Variants in COL18A1 observed in about 807,000 individuals in gnomAD.
COL18A1 encodes the protein collagen type XVIII alpha 1 chain.
In COL18A1, 133 loss-of-function variants were observed where a neutral mutation model predicts 168.0. That is an observed-to-expected ratio of 0.79 (90% confidence interval 0.69 to 0.91). The LOEUF is 0.91. COL18A1 is among the 40% of genes least tolerant of loss of function. COL18A1 has a pLI of 0.00. For synonymous variants in COL18A1, 949 were observed against 809.0 expected (o/e 1.17, Z -2.94); for missense variants, 2,126 against 1,925.4 (o/e 1.10, Z -1.95).
In COL18A1 at chr21:45,479,965, G is replaced by A; in HGVS notation, c.1311+1G>A. The A allele has an allele frequency of 6.2e-7, 1 of 1,613,882 alleles. No individual in the cohort carries two copies. Among genetic ancestry groups the A allele is most frequent in the Non-Finnish European group, 8.5e-7 (1 of 1,179,946 alleles). On this transcript the variant is annotated splice_donor_variant, in intron 10 of 41. Transcript: ENST00000651438. LOFTEE classifies it high-confidence loss of function. ...GGACGTAGGTCCCAAGGGCGACAAG[G>A]TGAGTCTCCGTGGCTGGGTGGGGCC... is the stretch of plus-strand genomic sequence containing the variant.
intron 2 of COL18A1, chr21:45,456,583 C>T: frequency 6.5e-7 from 1 of 1,543,274 alleles, no homozygotes; most frequent in Non-Finnish European, 8.7e-7. Context: ...GCATCTCACG[C>T]TTCTGGCTGC....
chr21:45,451,762 G>T (rs977097420), intron 2 of COL18A1, among the ~76,000 whole-genome samples: 4 of 152,180 alleles, frequency 2.6e-5, no homozygotes, highest in Non-Finnish European at 5.9e-5. Flanking sequence ...TCAGACTGGG[G>T]CACTCTCCTG....
chr21:45,485,423 G>C (rs968731097), intron 15 of COL18A1, among the ~76,000 whole-genome samples: 2 of 151,924 alleles, frequency 1.3e-5, no homozygotes, highest in African/African-American at 2.4e-5. Context: ...TTGAGTCCAG[G>C]AGTTCAAGGC....
chr21:45,481,866 T>C (rs2035907937), intron 13 of COL18A1, 97 bp from the exon 14 acceptor site: 1 of 876,138 alleles, frequency 1.1e-6, no homozygotes, highest in African/African-American at 1.6e-5. Flanking sequence ...GTGTCCTGCC[T>C]TCTGGAAACC....
At chr21:45,456,430 C>T in intron 2 of COL18A1, 1 of 1,544,470 alleles carries the variant, frequency 6.5e-7, no homozygotes, top group South Asian at 1.2e-5. Context: ...TAACCAGGGA[C>T]AGCGGTGCTT....
chr21:45,479,472 CACAT>C (rs550177743), intron 9 of COL18A1, among the ~76,000 whole-genome samples: 43 of 152,256 alleles, frequency 2.8e-4, no homozygotes, highest in East Asian at 1.5e-3. Context: ...CGTGGATACA[CACAT>C]ACACATACCA....
rs375109205 is a variant in COL18A1 at position 45,512,350 on chromosome 21, C to A, written c.3972C>A (p.Ala1324=). ...LGQSAASCHH[A]YIVLCIENSF... ...AGAGTGCCGCGAGCTGCCATCACGC[C>A]TACATCGTGCTCTGCATTGAGAACA... Residue 1324 remains alanine (A), a synonymous_variant, in exon 42 of 42, where the codon GCC becomes GCA. Coordinates refer to ENST00000651438, the MANE Select transcript of COL18A1 (RefSeq NM_001379500.1). The A allele has an allele frequency of 2.7e-5, 44 of 1,612,656 alleles. No individual in the cohort carries two copies. The highest frequency in any genetic ancestry group is 3.4e-5 in the Non-Finnish European group (40 of 1,179,832).
At chr21:45,477,624 C>G in intron 7 of COL18A1, 126 bp from the exon 8 acceptor site, 1 of 1,248,626 alleles carries the variant, frequency 8.0e-7, no homozygotes, top group Non-Finnish European at 1.1e-6. Flanking sequence ...TGCCAGCATG[C>G]GTCCACCCTG....
At chr21:45,429,861 G>T (rs1460520357) in intron 2 of COL18A1, among the ~76,000 whole-genome samples, 1 of 151,920 alleles carries the variant, frequency 6.6e-6, no homozygotes, top group Non-Finnish European at 1.5e-5. Flanking sequence ...TGTCTCTACA[G>T]CGGTGCCAGG....
rs751718038 is a variant in COL18A1, at chr21:45,485,149, A to ATTTTTTTTTTTTTTTTT, written c.1702-1697_1702-1681dup. ...AGGCATCTGCCACCACACCTGGCTA[A>ATTTTTTTTTTTTTTTTT]TTTTTTTTTTTTTTTTTTTTTTTTT... On this transcript the variant is annotated intron_variant, in intron 15 of 41. Coordinates refer to ENST00000651438, the MANE Select transcript of COL18A1 (RefSeq NM_001379500.1). Among the ~76,000 whole-genome samples, 7 of 55,052 alleles carry ATTTTTTTTTTTTTTTTT rather than the reference A, an allele frequency of 1.3e-4. 2 individuals are homozygous for ATTTTTTTTTTTTTTTTT. The highest frequency in any genetic ancestry group is 2.0e-4 in the Non-Finnish European group (6 of 30,152). The allele number at this position is 55,052 out of a possible 152,430, so 36.1% of individuals were successfully genotyped here.
At chr21:45,427,977 C>A (rs1413685093) in intron 2 of COL18A1, among the ~76,000 whole-genome samples, 1 of 152,206 alleles carries the variant, frequency 6.6e-6, no homozygotes, top group Non-Finnish European at 1.5e-5. Flanking sequence ...CCTGGCCCTG[C>A]AGAGCCGGGA....
chr21:45,413,322 G>T (rs1051196547), intron 2 of COL18A1, among the ~76,000 whole-genome samples: 1 of 152,246 alleles, frequency 6.6e-6, no homozygotes, highest in African/African-American at 2.4e-5. Flanking sequence ...CTCCAGCCGC[G>T]CTACGTGTCC....
At chr21:45,465,316 G>A (rs972447006) in intron 2 of COL18A1, among the ~76,000 whole-genome samples, 1 of 152,110 alleles carries the variant, frequency 6.6e-6, no homozygotes, top group Non-Finnish European at 1.5e-5. Context: ...TTGTAAACGT[G>A]TCCGAGTGTC....
intron 2 of COL18A1, among the ~76,000 whole-genome samples, chr21:45,467,592 C>T (rs1039876864): frequency 6.6e-6 from 1 of 152,200 alleles, no homozygotes; most frequent in South Asian, 2.1e-4. Flanking sequence ...TCAGATGCCA[C>T]GTGGAACCCC....
rs1314931197 is a variant in COL18A1, at chr21:45,480,478, C to T, written c.1410C>T (p.Asp470=). Residue 470 remains aspartate, a synonymous_variant, in exon 12 of 42, where the codon GAC becomes GAT. Coordinates refer to ENST00000651438, the MANE Select transcript of COL18A1 (RefSeq NM_001379500.1). Reference sequence around the variant, plus strand: ...GCTCTTTTCCTCAGACCTTCATTGACATGGAGGGATCTGGCTTCGGGGGCG... The same window carrying T: ...GCTCTTTTCCTCAGACCTTCATTGATATGGAGGGATCTGGCTTCGGGGGCG... ...SFRHDKLTFI[D]MEGSGFGGDL... 2 of 1,614,174 alleles carry T rather than the reference C, an allele frequency of 1.2e-6. No individual in the cohort carries two copies. The highest frequency in any genetic ancestry group is 1.3e-5 in the African/African-American group (1 of 75,060).
intron 2 of COL18A1, among the ~76,000 whole-genome samples, chr21:45,461,860 G>A (rs1323150708): frequency 6.6e-6 from 1 of 152,136 alleles, no homozygotes; most frequent in Non-Finnish European, 1.5e-5. Flanking sequence ...CCTTTATTGA[G>A]ATCTTCATTT....
rs371637950 is a variant in COL18A1 at position 45,442,169 on chromosome 21, C to T, written c.107-26073C>T. ...GTTGCCCACCGTAGCTGCTGTGGGG[C>T]CACAGCCTTGAGCCTGGACACTGGC... is the stretch of plus-strand genomic sequence containing the variant. On this transcript the variant is annotated intron_variant, in intron 2 of 41. Transcript: ENST00000651438. Among the ~76,000 whole-genome samples, 224 of 152,142 alleles carry T rather than the reference C, an allele frequency of 1.5e-3. 4 individuals carry two copies. In the South Asian group the frequency reaches 0.046, roughly 31 times the overall value.
rs2037680699 is a variant in COL18A1, at chr21:45,512,664, G to A, written c.*266G>A. ...GCCCAGCTGGGTCAGGCAGGGTGCA[G>A]TATCATGCCCTGTGCAACCTCTTGG... is the stretch of plus-strand genomic sequence containing the variant. On this transcript the variant is annotated 3_prime_UTR_variant, in exon 42 of 42. Transcript: ENST00000651438. 1.8e-6 allele frequency: 1 copy of A among 545,590 alleles called. No homozygotes were observed. The highest frequency in any genetic ancestry group is 3.3e-6 in the Non-Finnish European group (1 of 302,572). The allele number at this position is 545,590 out of a possible 1,614,324, so 33.8% of individuals were successfully genotyped here. A position where few individuals can be genotyped will look rare whatever the true frequency, so the allele number is the denominator to read the frequency against.
chr21:45,487,055 A>G, intron 16 of COL18A1, 63 bp downstream of exon 16: 1 of 1,418,466 alleles, frequency 7.0e-7, no homozygotes, highest in Non-Finnish European at 9.3e-7. Context: ...CAGCCCTACT[A>G]CCCCTGGCAT....
Sources: gnomAD v4.1 joint callset for allele counts (sites outside exome capture counted in the v4.1 genomes callset) on GRCh38, gnomAD v4.1.1 for gene constraint, MANE v1.5 for transcripts, NCBI Gene and HGNC (gene_info 2026-07-23, HGNC 2026-07-21) for gene names.